The following KIF16B variants were observed in gnomAD, a reference collection of about 807,000 sequenced individuals.
KIF16B encodes the protein kinesin-like protein KIF16B.
KIF16B carries 98 observed loss-of-function variants against 156.3 expected under a neutral mutation model. The observed-to-expected ratio is 0.63, with a 90% confidence interval of 0.53 to 0.74. KIF16B has a LOEUF of 0.74. Among genes scored for constraint, KIF16B ranks in the 30% least tolerant of loss-of-function variants. The pLI, the probability that KIF16B is intolerant of heterozygous loss-of-function variation, is 0.00. For synonymous variants in KIF16B, 564 were observed against 583.7 expected (o/e 0.97, Z 0.49); for missense variants, 1,421 against 1,606.5 (o/e 0.88, Z 1.97).
intron 15 of KIF16B, among the ~76,000 whole-genome samples, chr20:16,413,420 C>A (rs2066006699): frequency 6.6e-6 from 1 of 152,142 alleles, no homozygotes; most frequent in African/African-American, 2.4e-5. Context: ...TCATTAATAT[C>A]ACCAATAATT....
chr20:16,327,907 CATT>C (rs1475059334), intron 24 of KIF16B, among the ~76,000 whole-genome samples: 3 of 151,924 alleles, frequency 2.0e-5, no homozygotes, highest in Non-Finnish European at 4.4e-5. Context: ...CAGTTGGTAG[CATT>C]ATAATTTGGG....
At chr20:16,338,695 G>A (rs942709227) in intron 23 of KIF16B, among the ~76,000 whole-genome samples, 11 of 152,114 alleles carry the variant, frequency 7.2e-5, no homozygotes, top group Non-Finnish European at 1.2e-4. Context: ...GCCTGCACCT[G>A]CCCAGCAGAA....
chr20:16,297,635 G>A (rs1312207213), intron 25 of KIF16B, among the ~76,000 whole-genome samples: 2 of 150,340 alleles, frequency 1.3e-5, no homozygotes, highest in African/African-American at 4.9e-5. Context: ...GGCGGAGCTT[G>A]CAGTGAGCCT....
Position 16,565,430 on chromosome 20 carries a change from C to A in KIF16B, c.47+7799G>T, listed in dbSNP as rs180870354. Among the ~76,000 whole-genome samples, 340 of 152,286 alleles carry A rather than the reference C, an allele frequency of 2.2e-3. 1 individual carries two copies. Among genetic ancestry groups the A allele is most frequent in the African/African-American group, 7.7e-3 (321 of 41,556 alleles). On this transcript the variant is annotated intron_variant, in intron 1 of 25. Transcript: ENST00000354981. ...GTGAAAACAGTTCTGACGTTGTGAA[C>A]CCCCTATAAAAGAGTCTCACTGATA...
intron 15 of KIF16B, among the ~76,000 whole-genome samples, chr20:16,424,207 A>G (rs982247264): frequency 6.6e-6 from 1 of 152,094 alleles, no homozygotes; most frequent in Admixed American, 6.6e-5. Context: ...GCTCCAGGGT[A>G]CTCAGATATT....
At chr20:16,405,253 C>T (rs2065754238) in intron 16 of KIF16B, among the ~76,000 whole-genome samples, 1 of 152,146 alleles carries the variant, frequency 6.6e-6, no homozygotes, top group Non-Finnish European at 1.5e-5. Context: ...CTCCTATAAT[C>T]AGCGATATTC....
At chr20:16,376,230 T>C (rs1322429100) in intron 19 of KIF16B, among the ~76,000 whole-genome samples, 1 of 152,204 alleles carries the variant, frequency 6.6e-6, no homozygotes. Flanking sequence ...ACAACTTGCC[T>C]CTGTTATCCC....
chr20:16,534,182 G>A (rs2069864448), intron 1 of KIF16B, among the ~76,000 whole-genome samples: 1 of 152,042 alleles, frequency 6.6e-6, no homozygotes, highest in African/African-American at 2.4e-5. Flanking sequence ...TTGAGCCCGG[G>A]GGACAGAGGT....
chr20:16,355,648 A>T (rs2064424366), intron 23 of KIF16B, among the ~76,000 whole-genome samples: 1 of 152,234 alleles, frequency 6.6e-6, no homozygotes, highest in African/African-American at 2.4e-5. Flanking sequence ...GGCCAGCAAC[A>T]TTATTTAATA....
chr20:16,357,787 G>A (rs970625607), intron 22 of KIF16B, among the ~76,000 whole-genome samples: 1 of 152,180 alleles, frequency 6.6e-6, no homozygotes, highest in African/African-American at 2.4e-5. Context: ...TGAAGTTTCC[G>A]AAGCCTGTTA....
chr20:16,559,323 T>A lies in KIF16B; in HGVS notation c.47+13906A>T, dbSNP rs977159083. 4.3e-4 allele frequency among the ~76,000 whole-genome samples: 65 copies of A among 152,314 alleles called. 1 individual carries two copies. Among genetic ancestry groups the A allele is most frequent in the African/African-American group, 1.5e-3 (64 of 41,580 alleles). Reference sequence around the variant, plus strand: ...CATCAAAGGATGCCAGGAGGCATAATTCCTCAATCTTTTGAATGGACAGAG... The same window carrying A: ...CATCAAAGGATGCCAGGAGGCATAAATCCTCAATCTTTTGAATGGACAGAG... On this transcript the variant is annotated intron_variant, in intron 1 of 25. Transcript: ENST00000354981.
At chr20:16,479,591 C>G (rs1351467949) in intron 12 of KIF16B, among the ~76,000 whole-genome samples, 1 of 152,104 alleles carries the variant, frequency 6.6e-6, no homozygotes, top group Non-Finnish European at 1.5e-5. Context: ...ACGTTTCAGT[C>G]AGCAATGGAC....
chr20:16,521,919 C>G (rs1417742933), intron 3 of KIF16B, among the ~76,000 whole-genome samples: 1 of 152,152 alleles, frequency 6.6e-6, no homozygotes, highest in African/African-American at 2.4e-5. Context: ...TCCAGCCAAA[C>G]TAAGCTTCAT....
At chr20:16,440,553 A>G (rs1263056229) in intron 12 of KIF16B, among the ~76,000 whole-genome samples, 9 of 93,914 alleles carry the variant, frequency 9.6e-5, no homozygotes, top group African/African-American at 2.9e-4. Context: ...ACACACACAC[A>G]CACACACACA....
intron 24 of KIF16B, among the ~76,000 whole-genome samples, chr20:16,320,764 A>T (rs2063761613): frequency 6.6e-6 from 1 of 152,220 alleles, no homozygotes; most frequent in African/African-American, 2.4e-5. Flanking sequence ...TCAGAATATA[A>T]CTTAAAAAAT....
intron 25 of KIF16B, among the ~76,000 whole-genome samples, chr20:16,274,695 T>C (rs1196099483): frequency 1.3e-5 from 2 of 152,200 alleles, no homozygotes; most frequent in Admixed American, 6.5e-5. Flanking sequence ...TTCTGCCCCA[T>C]AGAGTGTTCA....
intron 1 of KIF16B, among the ~76,000 whole-genome samples, chr20:16,561,346 G>A (rs142012469): frequency 1.3e-5 from 2 of 152,254 alleles, no homozygotes; most frequent in East Asian, 1.9e-4. Context: ...GCAGATGAAT[G>A]TCTTACTGTG....
chr20:16,499,049 C>CTATG (rs1237325577), intron 10 of KIF16B, among the ~76,000 whole-genome samples: 1 of 152,104 alleles, frequency 6.6e-6, no homozygotes, highest in Admixed American at 6.5e-5. Context: ...TCGTGACAGT[C>CTATG]TATGCAGTAG....
intron 24 of KIF16B, among the ~76,000 whole-genome samples, chr20:16,323,101 G>T (rs1474225407): frequency 6.6e-6 from 1 of 151,966 alleles, no homozygotes; most frequent in Non-Finnish European, 1.5e-5. Context: ...CTAATAAAAG[G>T]AAAACATTTG....
Sources: gnomAD v4.1 joint callset for allele counts (sites outside exome capture counted in the v4.1 genomes callset) on GRCh38, gnomAD v4.1.1 for gene constraint, MANE v1.5 for transcripts, NCBI Gene and HGNC (gene_info 2026-07-23, HGNC 2026-07-21) for gene names.